Variants in SH3BGRL2 observed in about 807,000 individuals in gnomAD.
SH3BGRL2 encodes the protein SH3 domain binding glutamate rich protein like 2, also known as SH3 domain-binding glutamic acid-rich-like protein 2.
A neutral mutation model predicts 14.8 loss-of-function variants in SH3BGRL2; 21 were observed. That is an observed-to-expected ratio of 1.42 (90% CI 1.01 to 2.05). The LOEUF (loss-of-function observed/expected upper bound fraction) is 2.05, where lower values mean the gene tolerates loss of function less well. Among genes scored for constraint, SH3BGRL2 ranks in the 30% most tolerant of loss-of-function variants. The pLI is 0.00. For synonymous variants in SH3BGRL2, 50 were observed against 47.8 expected, an observed-to-expected ratio of 1.05 and a Z score of -0.19; for missense variants, 147 against 130.8, an observed-to-expected ratio of 1.12 and a Z score of -0.61.
At chr6:79,616,333 T>A in the SH3BGRL2 span, among the ~76,000 whole-genome samples, 5 of 152,308 alleles carry the variant, frequency 3.3e-5, no homozygotes, top group Admixed American at 6.5e-5. Context: ...GTGGCATTTT[T>A]AATACGTGCC....
chr6:79,600,046 C>G, the SH3BGRL2 span, among the ~76,000 whole-genome samples: 1 of 152,130 alleles, frequency 6.6e-6, no homozygotes, highest in Admixed American at 6.5e-5. Flanking sequence ...AACTCACTAT[C>G]GTTTTGCACC....
chr6:79,612,178 G>A, the SH3BGRL2 span, among the ~76,000 whole-genome samples: 1 of 152,090 alleles, frequency 6.6e-6, no homozygotes, highest in Non-Finnish European at 1.5e-5. Flanking sequence ...TGGGGGGCCT[G>A]TAATCCCAGC....
chr6:79,655,785 G>A (rs965533678), intron 1 of SH3BGRL2, among the ~76,000 whole-genome samples: 1 of 152,158 alleles, frequency 6.6e-6, no homozygotes, highest in Non-Finnish European at 1.5e-5. Context: ...ACTGGATAAT[G>A]TTCCATTGTT....
the SH3BGRL2 span, among the ~76,000 whole-genome samples, chr6:79,581,376 T>C: frequency 1.3e-5 from 2 of 152,158 alleles, no homozygotes; most frequent in Non-Finnish European, 2.9e-5. Flanking sequence ...TGAACATCAA[T>C]GCAAAAATCC....
intron 2 of SH3BGRL2, among the ~76,000 whole-genome samples, chr6:79,679,786 G>C (rs1769954999): frequency 6.6e-6 from 1 of 152,020 alleles, no homozygotes; most frequent in Non-Finnish European, 1.5e-5. Flanking sequence ...TAATGAGTGT[G>C]AGTTGATAAC....
chr6:79,633,602 A>G (rs926280968), intron 1 of SH3BGRL2, among the ~76,000 whole-genome samples: 4 of 152,198 alleles, frequency 2.6e-5, no homozygotes, highest in Admixed American at 6.5e-5. Flanking sequence ...ACATGCTTAC[A>G]GACTATAAAC....
chr6:79,547,560 G>C, the SH3BGRL2 span, among the ~76,000 whole-genome samples: 1 of 152,108 alleles, frequency 6.6e-6, no homozygotes, highest in African/African-American at 2.4e-5. Context: ...TAAGAAGCTG[G>C]ATCCATTCCC....
At chr6:79,565,554 C>T in the SH3BGRL2 span, among the ~76,000 whole-genome samples, 1 of 152,064 alleles carries the variant, frequency 6.6e-6, no homozygotes, top group East Asian at 1.9e-4. Context: ...ACAATGCATA[C>T]TTTCTCAGTA....
the SH3BGRL2 span, among the ~76,000 whole-genome samples, chr6:79,555,139 T>A: frequency 0.028 from 4,197 of 152,232 alleles, 66 homozygotes; most frequent in Middle Eastern, 0.075. Context: ...TTAAAAACCA[T>A]GTTTTAAAAC....
At chr6:79,613,432 C>A in the SH3BGRL2 span, among the ~76,000 whole-genome samples, 1 of 152,222 alleles carries the variant, frequency 6.6e-6, no homozygotes, top group East Asian at 1.9e-4. Flanking sequence ...CTATATTAGT[C>A]CATAGTTTCT....
chr6:79,548,701 T>C, the SH3BGRL2 span, among the ~76,000 whole-genome samples: 1 of 152,174 alleles, frequency 6.6e-6, no homozygotes, highest in Admixed American at 6.5e-5. Context: ...TAAATACCTT[T>C]TAAATATAAA....
In SH3BGRL2 at chr6:79,678,734, T is replaced by C. The variant is rs556940484; in HGVS notation, c.231+4935T>C. 6.6e-5 allele frequency among the ~76,000 whole-genome samples: 10 copies of C among 152,318 alleles called. No homozygotes were observed. In the East Asian group the frequency reaches 1.9e-3, roughly 29 times the overall value. On this transcript the variant is annotated intron_variant, in intron 2 of 3. Transcript: ENST00000369838. ...GTATATTGCACTGGGATAGTGAGCA[T>C]AGTACCCAATAGGTAGTTTTTTGAC... is the stretch of plus-strand genomic sequence containing the variant.
the SH3BGRL2 span, among the ~76,000 whole-genome samples, chr6:79,558,092 C>T: frequency 6.6e-6 from 1 of 152,272 alleles, no homozygotes; most frequent in East Asian, 1.9e-4. Flanking sequence ...CATTGTTTTG[C>T]TGTGACAGTC....
chr6:79,557,918 C>T, the SH3BGRL2 span, among the ~76,000 whole-genome samples: 1 of 152,148 alleles, frequency 6.6e-6, no homozygotes, highest in Non-Finnish European at 1.5e-5. Flanking sequence ...AGGTATTTTA[C>T]AGTTTATTAT....
rs1029494240 is a variant in SH3BGRL2 at position 79,701,536 on chromosome 6, T to C, written c.*2027T>C. On this transcript the variant is annotated 3_prime_UTR_variant, in exon 4 of 4. Transcript: ENST00000369838. The stretch of plus-strand genomic sequence containing the variant: ...AACCGTAGTATACCTATTATGATTA[T>C]AGTAAACAGACTAGTGGGTAGTAAT... 6 of 151,958 alleles carry C rather than the reference T, an allele frequency of 3.9e-5. No homozygotes were observed. The highest frequency in any genetic ancestry group is 1.9e-4 in the East Asian group (1 of 5,190). 9.4% of individuals were successfully genotyped at this position (151,958 alleles called of 1,614,324 possible).
the SH3BGRL2 span, among the ~76,000 whole-genome samples, chr6:79,559,505 A>G: frequency 6.6e-6 from 1 of 152,222 alleles, no homozygotes; most frequent in Non-Finnish European, 1.5e-5. Flanking sequence ...ATATTATAAA[A>G]GACAAAGAAA....
chr6:79,549,796 G>A, the SH3BGRL2 span, among the ~76,000 whole-genome samples: 1 of 152,044 alleles, frequency 6.6e-6, no homozygotes, highest in Non-Finnish European at 1.5e-5. Context: ...AAATAAAATT[G>A]AAATATATTA....
At chr6:79,645,281 T>C (rs1769118495) in intron 1 of SH3BGRL2, among the ~76,000 whole-genome samples, 1 of 151,696 alleles carries the variant, frequency 6.6e-6, no homozygotes, top group Non-Finnish European at 1.5e-5. Flanking sequence ...TGAAACACCC[T>C]CTTTCGAGTT....
chr6:79,544,782 C>T, the SH3BGRL2 span, among the ~76,000 whole-genome samples: 1 of 152,140 alleles, frequency 6.6e-6, no homozygotes, highest in Non-Finnish European at 1.5e-5. Flanking sequence ...TGTTGTGTAG[C>T]AGATACTGGT....
Sources: allele counts gnomAD v4.1 joint callset (sites outside exome capture counted in the v4.1 genomes callset), GRCh38; gene constraint gnomAD v4.1.1; transcripts MANE v1.5; gene names NCBI Gene and HGNC (gene_info 2026-07-23, HGNC 2026-07-21).